CREBL2: variants seen among roughly 807,000 people sequenced by gnomAD.
CREBL2 encodes the protein cAMP-responsive element-binding protein-like 2.
In CREBL2, 4 loss-of-function variants were observed where a neutral mutation model predicts 19.5. The ratio of observed to expected loss-of-function variants is 0.20; its 90% CI spans 0.10 to 0.47. CREBL2 has a LOEUF of 0.47. CREBL2 is among the 20% of genes least tolerant of loss of function. CREBL2 has a pLI of 0.98. For missense variants in CREBL2, 85 were observed against 145.1 expected, an observed-to-expected ratio of 0.59 and a Z score of 2.13; for synonymous variants, 42 against 46.6, an observed-to-expected ratio of 0.90 and a Z score of 0.40.
chr12:12,638,926 C>T (rs1945497114), intron 3 of CREBL2, among the ~76,000 whole-genome samples: 1 of 152,134 alleles, frequency 6.6e-6, no homozygotes, highest in Admixed American at 6.5e-5. Flanking sequence ...CTTTTAATCA[C>T]CTCAAAAGAA....
intron 1 of CREBL2, among the ~76,000 whole-genome samples, chr12:12,632,178 C>T (rs1945447070): frequency 2.1e-5 from 3 of 144,142 alleles, no homozygotes; most frequent in East Asian, 2.1e-4. Context: ...CCCGGGTTCA[C>T]GCCATTCTCC....
chr12:12,612,073 C>G lies in CREBL2; in HGVS notation c.-100C>G. 6.9e-7 allele frequency: 1 copy of G among 1,449,662 alleles called. No individual in the cohort carries two copies. Among genetic ancestry groups the G allele is most frequent in the Non-Finnish European group, 9.6e-7 (1 of 1,043,648 alleles). The allele number at this position is 1,449,662 out of a possible 1,614,324, so 89.8% of individuals were successfully genotyped here. A position where few individuals can be genotyped will look rare whatever the true frequency, so the allele number is the denominator to read the frequency against. ...GGCGAGAGGAGGAGGCAGCCAGAAC[C>G]ATATCCCCTTCTTCCTCGGGGCGGG... On this transcript the variant is annotated 5_prime_UTR_variant, in exon 1 of 4. Transcript: ENST00000228865.
intron 1 of CREBL2, among the ~76,000 whole-genome samples, chr12:12,628,977 G>A (rs1211722670): frequency 6.6e-6 from 1 of 152,210 alleles, no homozygotes; most frequent in Non-Finnish European, 1.5e-5. Context: ...CCATTGGTCT[G>A]TATGTCTGTC....
At position 12,643,374 on chromosome 12, in the gene CREBL2, C is replaced by G. The variant is rs1726746687; in HGVS notation, c.*1376C>G. On this transcript the variant is annotated 3_prime_UTR_variant, in exon 4 of 4. Transcript: ENST00000228865. ...CGAGATACTTACCACTCTCTCTTCT[C>G]TTTCCCATGGTTAAAACAGGAGTTG... 1 of 152,646 alleles carries G rather than the reference C, an allele frequency of 6.6e-6. No individual in the cohort carries two copies. The highest frequency in any genetic ancestry group is 2.4e-5 in the African/African-American group (1 of 41,458). 9.5% of individuals were successfully genotyped at this position (152,646 alleles called of 1,614,324 possible).
At chr12:12,641,605 A>G (rs2417218) in intron 3 of CREBL2, among the ~76,000 whole-genome samples, 150,849 of 152,206 alleles carry the variant, frequency 0.99, 74,763 homozygotes, top group East Asian at 1. Flanking sequence ...TACCACGCCC[A>G]TCTAGAACAA....
intron 1 of CREBL2, among the ~76,000 whole-genome samples, chr12:12,632,793 T>C (rs1054115420): frequency 6.6e-6 from 1 of 151,976 alleles, no homozygotes; most frequent in Non-Finnish European, 1.5e-5. Context: ...ATTGATGAGA[T>C]ATAAGCATAA....
In CREBL2 at chr12:12,613,295, G is replaced by GA. The variant is rs148612586; in HGVS notation, c.15+1110dup. 1.8e-3 allele frequency among the ~76,000 whole-genome samples: 272 copies of GA among 152,284 alleles called. 4 individuals are homozygous for GA. In the East Asian group the frequency reaches 0.031, roughly 17 times the overall value. Reference sequence around the variant, plus strand: ...TGGATTTGGACTTTTTTATTTTAAGGAATCAGACTTCTAAAATTTGCCAGT... The same window carrying GA: ...TGGATTTGGACTTTTTTATTTTAAGGAAATCAGACTTCTAAAATTTGCCAGT... On this transcript the variant is annotated intron_variant, in intron 1 of 3. Transcript: ENST00000228865.
chr12:12,628,480 C>A (rs1161810619), intron 1 of CREBL2, among the ~76,000 whole-genome samples: 3 of 152,074 alleles, frequency 2.0e-5, no homozygotes, highest in Non-Finnish European at 4.4e-5. Flanking sequence ...CCTTGATTAT[C>A]CTTGAAATAC....
chr12:12,613,113 G>A (rs1212669377), intron 1 of CREBL2, among the ~76,000 whole-genome samples: 1 of 152,154 alleles, frequency 6.6e-6, no homozygotes, highest in African/African-American at 2.4e-5. Flanking sequence ...TTAGGTGTCC[G>A]CTCGCCTCGG....
intron 1 of CREBL2, among the ~76,000 whole-genome samples, chr12:12,613,708 A>T (rs1424182197): frequency 6.6e-6 from 1 of 152,146 alleles, no homozygotes; most frequent in African/African-American, 2.4e-5. Context: ...TCAGCTCATA[A>T]GAGTGCTTAA....
Position 12,611,934 on chromosome 12 carries a change from G to T in CREBL2, c.-239G>T. 5 of 580,658 alleles carry T rather than the reference G, an allele frequency of 8.6e-6. No homozygotes were observed. The allele number at this position is 580,658 out of a possible 1,614,324, so 36.0% of individuals were successfully genotyped here. ...CCCAGAGACTGTCATGGAGGGGGAG[G>T]AGGAGGCGGCGGCGGCGAAGGGAGG... On this transcript the variant is annotated 5_prime_UTR_variant, in exon 1 of 4. The change creates a premature stop within an existing upstream ORF in the 5' untranslated region. Coordinates refer to ENST00000228865, the MANE Select transcript of CREBL2 (RefSeq NM_001310.4).
chr12:12,641,820 C>G (rs956728531), intron 3 of CREBL2, among the ~76,000 whole-genome samples, 174 bp from the exon 4 acceptor site: 2 of 151,858 alleles, frequency 1.3e-5, no homozygotes, highest in African/African-American at 4.8e-5. Flanking sequence ...TTGGCTTCAT[C>G]TAAATTAAAT....
At chr12:12,616,852 A>C (rs1318871630) in intron 1 of CREBL2, among the ~76,000 whole-genome samples, 1 of 152,192 alleles carries the variant, frequency 6.6e-6, no homozygotes, top group African/African-American at 2.4e-5. Context: ...TGTGCCCTTG[A>C]GAGCATAAAG....
chr12:12,633,570 A>G (rs1945455418), intron 1 of CREBL2, among the ~76,000 whole-genome samples: 1 of 152,196 alleles, frequency 6.6e-6, no homozygotes, highest in Admixed American at 6.5e-5. Flanking sequence ...TGGAAAGGAC[A>G]GATTTTTTTT....
chr12:12,638,446 GA>G (rs888123705), intron 3 of CREBL2, among the ~76,000 whole-genome samples: 38 of 151,978 alleles, frequency 2.5e-4, no homozygotes, highest in South Asian at 1.0e-3. Context: ...CAAAAAAAAA[GA>G]AAAAGAGAAA....
intron 1 of CREBL2, among the ~76,000 whole-genome samples, chr12:12,630,385 A>G (rs1160323195): frequency 3.3e-5 from 5 of 151,886 alleles, no homozygotes; most frequent in African/African-American, 7.3e-5. Flanking sequence ...TTTTTTTGGC[A>G]TGCAATTTTT....
intron 1 of CREBL2, chr12:12,614,857 GTTTTTT>G: frequency 7.1e-5 from 12 of 168,712 alleles, no homozygotes; most frequent in East Asian, 1.8e-4. Flanking sequence ...TAGGGCATTA[GTTTTTT>G]TTTTTTTTTT....
chr12:12,621,410 C>G (rs1019313610), intron 1 of CREBL2, among the ~76,000 whole-genome samples: 1 of 150,496 alleles, frequency 6.6e-6, no homozygotes, highest in African/African-American at 2.4e-5. Flanking sequence ...CCCAGCTACT[C>G]GGGAGGCTGA....
chr12:12,623,859 C>A (rs1306386350), intron 1 of CREBL2, among the ~76,000 whole-genome samples: 1 of 152,180 alleles, frequency 6.6e-6, no homozygotes, highest in African/African-American at 2.4e-5. Flanking sequence ...GACAAGTGTC[C>A]TTATAAGACT....
Sources: gnomAD v4.1 joint callset for allele counts (sites outside exome capture counted in the v4.1 genomes callset) on GRCh38, gnomAD v4.1.1 for gene constraint, MANE v1.5 for transcripts, NCBI Gene and HGNC (gene_info 2026-07-23, HGNC 2026-07-21) for gene names.